Variants in RBM19 observed in about 807,000 individuals in gnomAD.
The protein encoded by RBM19 is probable RNA-binding protein 19.
A neutral mutation model predicts 116.8 loss-of-function variants in RBM19; 94 were observed. That is an observed-to-expected ratio of 0.80 (90% confidence interval 0.68 to 0.95). The LOEUF (loss-of-function observed/expected upper bound fraction) is 0.95. Ranked by LOEUF, RBM19 falls within the 40% of genes least tolerant of loss-of-function variation. The pLI is 0.00. For synonymous variants in RBM19, 475 were observed against 494.1 expected (o/e 0.96, Z 0.51); for missense variants, 1,161 against 1,220.7 (o/e 0.95, Z 0.73).
rs1872102059 is a variant in RBM19, at chr12:113,957,837, C to A, written c.785G>T (p.Gly262Val). 6.2e-7 allele frequency: 1 copy of A among 1,613,464 alleles called. No homozygotes were observed. The highest frequency in any genetic ancestry group is 1.3e-5 in the African/African-American group (1 of 74,924). The part of the protein sequence containing the change: ...VLQERDSKGA[G>V]QEQGMPAGKK... ...CCCAGCTGGCATCCCTTGCTCTTGGCCTGCACCCTTGCTGTCTCTTTCCTG... is the reference window on the plus strand; with the variant it reads ...CCCAGCTGGCATCCCTTGCTCTTGGACTGCACCCTTGCTGTCTCTTTCCTG... Residue 262 changes from glycine (G) to valine (V), a missense_variant, in exon 6 of 24, where the codon GGC becomes GTC. By Grantham distance (109) the Gly-to-Val change is moderately radical. Coordinates refer to ENST00000261741, the MANE Select transcript of RBM19 (RefSeq NM_016196.4).
chr12:113,886,884 C>T (rs991557139), intron 21 of RBM19, among the ~76,000 whole-genome samples: 2 of 152,100 alleles, frequency 1.3e-5, no homozygotes, highest in Non-Finnish European at 2.9e-5. Context: ...GGTGTGCAAG[C>T]GCAGAGGACT....
chr12:113,821,754 A>C (rs1392003703), downstream of RBM19, among the ~76,000 whole-genome samples: 1 of 152,208 alleles, frequency 6.6e-6, no homozygotes, highest in African/African-American at 2.4e-5. Context: ...AAAAAAATTA[A>C]AAATAAACGG....
intron 21 of RBM19, among the ~76,000 whole-genome samples, chr12:113,869,307 TG>T (rs1879054196): frequency 6.6e-6 from 1 of 152,142 alleles, no homozygotes; most frequent in Non-Finnish European, 1.5e-5. Flanking sequence ...CATGGATAAT[TG>T]GAAGAAATTG....
intron 15 of RBM19, among the ~76,000 whole-genome samples, chr12:113,938,278 T>C (rs1230498230): frequency 6.6e-6 from 1 of 152,108 alleles, no homozygotes; most frequent in Non-Finnish European, 1.5e-5. Context: ...TAATTTTTCT[T>C]ATGGGTCAGG....
intron 21 of RBM19, among the ~76,000 whole-genome samples, chr12:113,904,739 G>A (rs1881931975): frequency 6.6e-6 from 1 of 152,202 alleles, no homozygotes. Flanking sequence ...CATCACGACT[G>A]TGGCCAGTGG....
intron 7 of RBM19, among the ~76,000 whole-genome samples, chr12:113,953,768 A>T (rs1294705957): frequency 1.3e-5 from 2 of 152,282 alleles, no homozygotes; most frequent in Non-Finnish European, 2.9e-5. Context: ...TGGAGCAAAG[A>T]TCAGCAAACT....
chr12:113,925,647 T>C (rs1868999694), intron 17 of RBM19, among the ~76,000 whole-genome samples: 1 of 152,198 alleles, frequency 6.6e-6, no homozygotes, highest in African/African-American at 2.4e-5. Context: ...TCAAGTGGAC[T>C]GTGTGACCTA....
chr12:113,933,784 C>T (rs1262332688), intron 16 of RBM19, among the ~76,000 whole-genome samples: 1 of 152,204 alleles, frequency 6.6e-6, no homozygotes, highest in Admixed American at 6.5e-5. Flanking sequence ...CTACTTGTGA[C>T]ATCTCACTTG....
intron 21 of RBM19, among the ~76,000 whole-genome samples, chr12:113,866,490 C>T (rs1419629090): frequency 1.3e-5 from 2 of 152,200 alleles, no homozygotes; most frequent in African/African-American, 4.8e-5. Context: ...CACAGACTCT[C>T]CTGAGAGGCT....
At chr12:113,836,259 C>T (rs985060001) in intron 23 of RBM19, among the ~76,000 whole-genome samples, 8 of 152,054 alleles carry the variant, frequency 5.3e-5, no homozygotes, top group African/African-American at 1.4e-4. Context: ...AGGAAGAGGA[C>T]AGGGGAGATG....
chr12:113,943,674 T>G (rs1870766856), intron 13 of RBM19, among the ~76,000 whole-genome samples: 1 of 151,858 alleles, frequency 6.6e-6, no homozygotes, highest in Non-Finnish European at 1.5e-5. Context: ...AAATACAAAA[T>G]TAGCCAGGCA....
chr12:113,906,505 A>G (rs979866465), intron 21 of RBM19, among the ~76,000 whole-genome samples: 5 of 152,178 alleles, frequency 3.3e-5, no homozygotes, highest in African/African-American at 7.2e-5. Flanking sequence ...CTAGCTGGAA[A>G]TGCTCTGCCT....
intron 21 of RBM19, among the ~76,000 whole-genome samples, chr12:113,863,509 G>A (rs1878573916): frequency 2.0e-5 from 3 of 152,188 alleles, no homozygotes; most frequent in African/African-American, 7.2e-5. Flanking sequence ...TGGGAGTCCT[G>A]CTTAACCCCA....
intron 21 of RBM19, among the ~76,000 whole-genome samples, chr12:113,859,604 C>A (rs972479461): frequency 1.3e-5 from 2 of 152,114 alleles, no homozygotes; most frequent in African/African-American, 4.8e-5. Context: ...GACCATCCCC[C>A]CCGGTTCCCT....
chr12:113,893,952 G>A (rs1268573789), intron 21 of RBM19, among the ~76,000 whole-genome samples: 3 of 151,418 alleles, frequency 2.0e-5, no homozygotes, highest in East Asian at 1.9e-4. Flanking sequence ...GTGTTGTCTC[G>A]GCACACACAA....
intron 23 of RBM19, among the ~76,000 whole-genome samples, chr12:113,843,667 G>A (rs1876701096): frequency 6.6e-6 from 1 of 152,178 alleles, no homozygotes; most frequent in Non-Finnish European, 1.5e-5. Context: ...GGGGATCAAG[G>A]TCAAGTACCC....
intron 22 of RBM19, among the ~76,000 whole-genome samples, chr12:113,857,283 C>G (rs938894950): frequency 2.0e-5 from 3 of 152,226 alleles, no homozygotes; most frequent in African/African-American, 7.2e-5. Flanking sequence ...AGGCTGGTGG[C>G]AATGAGAAGG....
chr12:113,901,782 T>C (rs1332999443), intron 21 of RBM19, among the ~76,000 whole-genome samples: 1 of 152,158 alleles, frequency 6.6e-6, no homozygotes, highest in Non-Finnish European at 1.5e-5. Context: ...CCCAAAGTGC[T>C]GGGATTACAG....
chr12:113,880,945 C>T (rs1158680041), intron 21 of RBM19, among the ~76,000 whole-genome samples: 2 of 152,184 alleles, frequency 1.3e-5, no homozygotes, highest in Non-Finnish European at 2.9e-5. Context: ...TTGCCCCCTT[C>T]CTAAAAACAC....
Sources: allele counts gnomAD v4.1 joint callset (sites outside exome capture counted in the v4.1 genomes callset), GRCh38; gene constraint gnomAD v4.1.1; transcripts MANE v1.5; gene names NCBI Gene and HGNC (gene_info 2026-07-23, HGNC 2026-07-21).